Variants in NOX4 observed in about 807,000 individuals in gnomAD.
The protein encoded by NOX4 is NADPH oxidase 4.
NOX4 carries 69 observed loss-of-function variants against 87.6 expected under a neutral mutation model. That is an observed-to-expected ratio of 0.79 (90% CI 0.65 to 0.96). The LOEUF (loss-of-function observed/expected upper bound fraction) is 0.96. NOX4 is among the 40% of genes least tolerant of loss of function. The pLI, the probability that NOX4 is intolerant of heterozygous loss-of-function variation, is 0.00. For missense variants in NOX4, 680 were observed against 681.5 expected (o/e 1.00, Z 0.02); for synonymous variants, 275 against 238.2 (o/e 1.15, Z -1.42).
intron 5 of NOX4, among the ~76,000 whole-genome samples, chr11:89,442,009 T>C (rs1014256849): frequency 6.1e-5 from 9 of 148,090 alleles, no homozygotes; most frequent in African/African-American, 1.7e-4. Flanking sequence ...AAATATAATC[T>C]ATATATAATA....
chr11:89,472,718 A>G lies in NOX4; in HGVS notation c.153+17740T>C, dbSNP rs190630701. ...ACCTTGTCTTTCCAGTGCCAAAAGC[A>G]CAGAGGGCAGAAAACATTCACTTCT... On this transcript the variant is annotated intron_variant, in intron 2 of 17. Transcript: ENST00000263317. Among the ~76,000 whole-genome samples, 42 of 152,310 alleles carry G rather than the reference A, an allele frequency of 2.8e-4. 1 individual carries two copies. The highest frequency in any genetic ancestry group is 2.4e-3 in the Admixed American group (37 of 15,288).
chr11:89,561,050 CATATAT>C, the NOX4 span, among the ~76,000 whole-genome samples: 847 of 28,550 alleles, frequency 0.03, 47 homozygotes, highest in African/African-American at 0.11. Context: ...ATATATCATA[CATATAT>C]ATATATATAT....
the NOX4 span, among the ~76,000 whole-genome samples, chr11:89,510,472 G>T: frequency 1.2e-4 from 19 of 152,054 alleles, no homozygotes; most frequent in South Asian, 2.1e-3. Flanking sequence ...CCAAATCAAT[G>T]GTTCTCAATA....
At chr11:89,575,099 C>T in the NOX4 span, among the ~76,000 whole-genome samples, 1 of 151,986 alleles carries the variant, frequency 6.6e-6, no homozygotes, top group South Asian at 2.1e-4. Flanking sequence ...AGGAGAATTG[C>T]TTAAACCCAG....
chr11:89,435,451 T>A (rs1199096507), intron 6 of NOX4, among the ~76,000 whole-genome samples: 1 of 152,108 alleles, frequency 6.6e-6, no homozygotes, highest in Non-Finnish European at 1.5e-5. Context: ...CAAAGTGTAT[T>A]ATTTGAAAAT....
chr11:89,468,097 A>C (rs1052795967), intron 2 of NOX4, among the ~76,000 whole-genome samples: 1 of 152,138 alleles, frequency 6.6e-6, no homozygotes, highest in South Asian at 2.1e-4. Flanking sequence ...CCTCCCACCC[A>C]CTGTCTAAAC....
chr11:89,352,763 C>T (rs1291845974), intron 13 of NOX4, among the ~76,000 whole-genome samples: 1 of 152,240 alleles, frequency 6.6e-6, no homozygotes, highest in South Asian at 2.1e-4. Flanking sequence ...TGAAAAGTTG[C>T]TTACTATGGA....
chr11:89,462,598 G>A (rs992185071), intron 2 of NOX4, among the ~76,000 whole-genome samples: 3 of 151,888 alleles, frequency 2.0e-5, no homozygotes, highest in Non-Finnish European at 4.4e-5. Flanking sequence ...CAGATTAATG[G>A]GAAAAGAAGA....
At chr11:89,478,313 A>G (rs1358444615) in intron 2 of NOX4, among the ~76,000 whole-genome samples, 3 of 152,218 alleles carry the variant, frequency 2.0e-5, no homozygotes, top group Admixed American at 2.0e-4. Context: ...ATGTAGCTCA[A>G]TTAATAATAT....
At chr11:89,514,311 C>G in the NOX4 span, among the ~76,000 whole-genome samples, 1,282 of 151,892 alleles carry the variant, frequency 8.4e-3, 12 homozygotes, top group Non-Finnish European at 0.016. Context: ...ATTGACATTA[C>G]TAGTGTATAG....
chr11:89,587,130 G>A, the NOX4 span, among the ~76,000 whole-genome samples: 9,711 of 152,022 alleles, frequency 0.064, 1,036 homozygotes, highest in African/African-American at 0.22. Flanking sequence ...TGAATGGAGG[G>A]CTGGCACCCT....
intron 3 of NOX4, among the ~76,000 whole-genome samples, chr11:89,451,386 C>A (rs192653197): frequency 6.6e-6 from 1 of 152,196 alleles, no homozygotes; most frequent in African/African-American, 2.4e-5. Context: ...CTCAATGAGA[C>A]AAGACATAAT....
At chr11:89,438,904 TA>T (rs1414836420) in intron 6 of NOX4, among the ~76,000 whole-genome samples, 2 of 49,264 alleles carry the variant, frequency 4.1e-5, no homozygotes, top group African/African-American at 7.5e-5. Context: ...ATTATATATA[TA>T]ATATATAATA....
At chr11:89,564,452 C>G in the NOX4 span, among the ~76,000 whole-genome samples, 1 of 152,100 alleles carries the variant, frequency 6.6e-6, no homozygotes, top group Non-Finnish European at 1.5e-5. Flanking sequence ...GGGGAAAATT[C>G]GGCCCCAGGG....
intron 7 of NOX4, among the ~76,000 whole-genome samples, chr11:89,423,860 C>T (rs915392888): frequency 1.3e-5 from 2 of 151,896 alleles, no homozygotes; most frequent in African/African-American, 4.8e-5. Context: ...CTGAGACCAG[C>T]CTGGAAAACA....
chr11:89,484,043 G>T (rs993592358), intron 2 of NOX4, among the ~76,000 whole-genome samples: 1 of 152,026 alleles, frequency 6.6e-6, no homozygotes, highest in Non-Finnish European at 1.5e-5. Flanking sequence ...ATGGATGAGA[G>T]AATTAAATAA....
At chr11:89,563,843 GATAA>G in the NOX4 span, among the ~76,000 whole-genome samples, 2 of 151,950 alleles carry the variant, frequency 1.3e-5, no homozygotes, top group Admixed American at 6.6e-5. Flanking sequence ...TAAACTTTAT[GATAA>G]ATAAATTTTA....
intron 14 of NOX4, among the ~76,000 whole-genome samples, chr11:89,341,360 C>T (rs1243273638): frequency 1.3e-5 from 2 of 151,948 alleles, no homozygotes; most frequent in African/African-American, 2.4e-5. Flanking sequence ...TGGCCTCAAG[C>T]GATCCACCCA....
chr11:89,470,018 TG>T (rs1178529889), intron 2 of NOX4, among the ~76,000 whole-genome samples: 1 of 152,018 alleles, frequency 6.6e-6, no homozygotes, highest in Non-Finnish European at 1.5e-5. Flanking sequence ...ACTAGCTGTG[TG>T]GTCTTAGGTA....
Sources: allele counts gnomAD v4.1 joint callset (sites outside exome capture counted in the v4.1 genomes callset), GRCh38; gene constraint gnomAD v4.1.1; transcripts MANE v1.5; gene names NCBI Gene and HGNC (gene_info 2026-07-23, HGNC 2026-07-21).